The following TAF4B variants were observed in gnomAD, a reference collection of about 807,000 sequenced individuals.
TAF4B encodes transcription initiation factor TFIID subunit 4B.
TAF4B carries 38 observed loss-of-function variants against 86.4 expected under a neutral mutation model. The ratio of observed to expected loss-of-function variants is 0.44; its 90% CI spans 0.34 to 0.58. The LOEUF is 0.58. TAF4B is among the 20% of genes least tolerant of loss of function. The pLI is 0.02. For synonymous variants in TAF4B, 388 were observed against 391.2 expected, an observed-to-expected ratio of 0.99 and a Z score of 0.10; for missense variants, 988 against 1,027.6, an observed-to-expected ratio of 0.96 and a Z score of 0.53.
In TAF4B at chr18:26,389,885, T is replaced by C; in HGVS notation, c.2462T>C (p.Leu821Pro). Residue 821 changes from leucine (L) to proline (P), a missense_variant, in exon 15 of 15, where the codon CTG (leucine) becomes CCG (proline). Physicochemically the swap from Leu to Pro is moderately conservative, Grantham distance 98 (BLOSUM62 -3). Transcript: ENST00000269142. ...CTTCTTGCTTCTGGGACATCCAGCC[T>C]GACAGCCACCAAACAGTTGCATCGT... The part of the protein sequence containing the change: ...DNLLASGTSS[L>P]TATKQLHRPR... The C allele has an allele frequency of 6.2e-7, 1 of 1,614,050 alleles. No individual in the cohort carries two copies. The highest frequency in any genetic ancestry group is 8.5e-7 in the Non-Finnish European group (1 of 1,179,952).
chr18:26,321,114 T>C lies in TAF4B; in HGVS notation c.2047T>C (p.Leu683=), dbSNP rs1432517213. 4 of 1,613,774 alleles carry C rather than the reference T, an allele frequency of 2.5e-6. No individual in the cohort carries two copies. The highest frequency in any genetic ancestry group is 3.4e-6 in the Non-Finnish European group (4 of 1,179,828). ...AGAACTTAACTCTGATGCTGTGAAC[T>C]TGATCTCCCAAGCAACACAGGAACG... ...ITELNSDAVN[L]ISQATQERLR... is the part of the protein sequence containing the mutation. The change falls in exon 11 of 15, where the codon TTG becomes CTG. Residue 683 remains leucine, a synonymous_variant. Transcript: ENST00000269142.
intron 5 of TAF4B, among the ~76,000 whole-genome samples, chr18:26,281,559 C>T (rs1032611981): frequency 6.6e-6 from 1 of 152,150 alleles, no homozygotes; most frequent in African/African-American, 2.4e-5. Flanking sequence ...AGAACACCAG[C>T]AGGCTAGCAG....
intron 5 of TAF4B, among the ~76,000 whole-genome samples, chr18:26,275,624 T>C (rs1350849572): frequency 6.6e-6 from 1 of 152,194 alleles, no homozygotes. Context: ...TGTTTTGATA[T>C]ATATATTATT....
At chr18:26,229,861 T>G (rs1236748940) in intron 1 of TAF4B, among the ~76,000 whole-genome samples, 1 of 152,118 alleles carries the variant, frequency 6.6e-6, no homozygotes, top group Non-Finnish European at 1.5e-5. Flanking sequence ...ACAAGGGTGC[T>G]TATATATGTC....
At chr18:26,343,167 C>G (rs1405324584) in intron 13 of TAF4B, among the ~76,000 whole-genome samples, 1 of 152,156 alleles carries the variant, frequency 6.6e-6, no homozygotes, top group African/African-American at 2.4e-5. Flanking sequence ...CCCATTCTTC[C>G]TACTGCTTGA....
At chr18:26,363,492 C>T (rs181254720) in intron 14 of TAF4B, among the ~76,000 whole-genome samples, 26 of 151,416 alleles carry the variant, frequency 1.7e-4, no homozygotes, top group African/African-American at 6.3e-4. Context: ...CTGCAGTGAG[C>T]TGTGATCAGG....
At chr18:26,354,888 T>C (rs1476134934) in intron 13 of TAF4B, among the ~76,000 whole-genome samples, 1 of 152,200 alleles carries the variant, frequency 6.6e-6, no homozygotes, top group Non-Finnish European at 1.5e-5. Context: ...GCTATTCTAG[T>C]TCATTTTTCT....
At chr18:26,263,635 G>T (rs1210169873) in intron 1 of TAF4B, among the ~76,000 whole-genome samples, 1 of 152,168 alleles carries the variant, frequency 6.6e-6, no homozygotes, top group Non-Finnish European at 1.5e-5. Context: ...TAATGTAGTT[G>T]AGTTTATTGA....
intron 1 of TAF4B, among the ~76,000 whole-genome samples, chr18:26,247,246 A>G (rs1024530372): frequency 2.6e-5 from 4 of 152,252 alleles, no homozygotes; most frequent in Admixed American, 2.6e-4. Flanking sequence ...GTTAAATAGA[A>G]TAAGTATACA....
At chr18:26,370,390 T>C (rs1225154041) in intron 14 of TAF4B, among the ~76,000 whole-genome samples, 1 of 151,516 alleles carries the variant, frequency 6.6e-6, no homozygotes, top group African/African-American at 2.4e-5. Context: ...GCATGAGAGA[T>C]ATTAGCAGAT....
At chr18:26,255,192 A>G (rs556174858) in intron 1 of TAF4B, among the ~76,000 whole-genome samples, 3 of 152,320 alleles carry the variant, frequency 2.0e-5, no homozygotes, top group East Asian at 1.9e-4. Flanking sequence ...GGATTAAAAA[A>G]AAAAGACTTA....
intron 1 of TAF4B, among the ~76,000 whole-genome samples, chr18:26,254,517 CA>C (rs1568106799): frequency 1.3e-5 from 2 of 152,122 alleles, no homozygotes; most frequent in Non-Finnish European, 2.9e-5. Flanking sequence ...ATGAAGTCAT[CA>C]AAGTCATGTA....
intron 1 of TAF4B, among the ~76,000 whole-genome samples, chr18:26,259,105 T>C (rs190007981): frequency 5.5e-4 from 83 of 152,182 alleles, no homozygotes; most frequent in African/African-American, 1.9e-3. Flanking sequence ...TGGGGTTTCT[T>C]GAGCTACTTT....
intron 12 of TAF4B, 56 bp from the exon 13 acceptor site, chr18:26,335,119 A>G (rs1162677583): frequency 1.6e-6 from 2 of 1,218,196 alleles, no homozygotes; most frequent in Non-Finnish European, 2.4e-6. Context: ...ATTTAATGGC[A>G]ACTATGGTGT....
Position 26,335,242 on chromosome 18 carries a change from C to T in TAF4B, c.2316+11C>T, listed in dbSNP as rs1379148481. On this transcript the variant is annotated intron_variant, in intron 13 of 14. Coordinates refer to ENST00000269142, the MANE Select transcript of TAF4B (RefSeq NM_005640.3). ...CAGAAAGCCAAAGAGGTAGGACTTT[C>T]AAGTTACCATGCTTGTCTTTGTGTT... is the stretch of plus-strand genomic sequence containing the variant. 1.9e-6 allele frequency: 3 copies of T among 1,588,582 alleles called. No homozygotes were observed. Among genetic ancestry groups the T allele is most frequent in the East Asian group, 2.3e-5 (1 of 43,530 alleles).
At chr18:26,227,882 T>C (rs1286368773) in intron 1 of TAF4B, among the ~76,000 whole-genome samples, 1 of 152,226 alleles carries the variant, frequency 6.6e-6, no homozygotes, top group Non-Finnish European at 1.5e-5. Context: ...TCAGAATCGG[T>C]TTACTGCTTT....
intron 1 of TAF4B, among the ~76,000 whole-genome samples, chr18:26,256,823 T>TC (rs909587264): frequency 2.6e-4 from 40 of 151,604 alleles, no homozygotes; most frequent in Non-Finnish European, 4.6e-4. Context: ...ACCCCACTTT[T>TC]TTTTTTTTTT....
At chr18:26,356,191 G>C (rs576995196) in intron 13 of TAF4B, among the ~76,000 whole-genome samples, 1 of 152,204 alleles carries the variant, frequency 6.6e-6, no homozygotes, top group South Asian at 2.1e-4. Flanking sequence ...CTTGGTGGAA[G>C]GGGCGAGGGG....
chr18:26,269,661 A>G (rs2056288185), intron 3 of TAF4B, among the ~76,000 whole-genome samples: 1 of 152,098 alleles, frequency 6.6e-6, no homozygotes, highest in African/African-American at 2.4e-5. Context: ...ATATTTTTCT[A>G]CTAATACCAT....
Sources: allele counts gnomAD v4.1 joint callset (sites outside exome capture counted in the v4.1 genomes callset), GRCh38; gene constraint gnomAD v4.1.1; transcripts MANE v1.5; gene names NCBI Gene and HGNC (gene_info 2026-07-23, HGNC 2026-07-21).